NPAS3: variants seen among roughly 807,000 people sequenced by gnomAD.
The protein encoded by NPAS3 is neuronal PAS domain protein 3.
Under a neutral mutation model 73.1 loss-of-function variants are expected in NPAS3, and 14 were observed. The ratio of observed to expected loss-of-function variants is 0.19; its 90% CI spans 0.13 to 0.30. NPAS3 has a LOEUF of 0.30. Ranked by LOEUF, NPAS3 falls within the 10% of genes least tolerant of loss-of-function variation. The probability of loss-of-function intolerance (pLI) is 1.00; values close to 1 mark genes in which losing one functional copy is unlikely to be tolerated. For synonymous variants in NPAS3, 620 were observed against 541.5 expected (o/e 1.14, Z -2.01); for missense variants, 1,096 against 1,250.0 (o/e 0.88, Z 1.86).
intron 5 of NPAS3, among the ~76,000 whole-genome samples, chr14:33,575,369 A>G (rs73270952): frequency 0.099 from 15,090 of 152,226 alleles, 794 homozygotes; most frequent in Middle Eastern, 0.19. Context: ...TTTCTGTAAT[A>G]TTTTAGACTT....
At chr14:33,495,131 C>G (rs1352236751) in intron 4 of NPAS3, among the ~76,000 whole-genome samples, 2 of 152,120 alleles carry the variant, frequency 1.3e-5, no homozygotes, top group Non-Finnish European at 2.9e-5. Context: ...AAATTTCCCT[C>G]TAAATACTGC....
intron 2 of NPAS3, among the ~76,000 whole-genome samples, chr14:33,178,476 A>G (rs1300542601): frequency 6.6e-6 from 1 of 152,218 alleles, no homozygotes; most frequent in Non-Finnish European, 1.5e-5. Context: ...TTAATAATAT[A>G]AATTTCTCAG....
chr14:33,532,292 C>T (rs1248007304), intron 4 of NPAS3, among the ~76,000 whole-genome samples: 1 of 152,130 alleles, frequency 6.6e-6, no homozygotes, highest in African/African-American at 2.4e-5. Flanking sequence ...AGTCCAGTCT[C>T]AGTTTTTCCT....
intron 4 of NPAS3, among the ~76,000 whole-genome samples, chr14:33,457,116 G>A (rs554467442): frequency 1.4e-4 from 22 of 152,306 alleles, no homozygotes; most frequent in Admixed American, 3.3e-4. Context: ...GCGAGTCGCC[G>A]TCCAAATATT....
intron 3 of NPAS3, among the ~76,000 whole-genome samples, chr14:33,259,086 T>G (rs1031343963): frequency 6.6e-6 from 1 of 152,218 alleles, no homozygotes; most frequent in African/African-American, 2.4e-5. Context: ...GTGCTGGGAT[T>G]ACAGGCGTGA....
rs869237169 is a variant in NPAS3 at position 33,095,670 on chromosome 14, AT to A, written c.140+39692del. On this transcript the variant is annotated intron_variant, in intron 2 of 11. Coordinates refer to ENST00000356141, the Ensembl canonical transcript of NPAS3. ...GGGCATTCTCTGCTTTTATTTTTTT[AT>A]TTTTTTTTTTTTTTTGAGAGGGAGT... Among the ~76,000 whole-genome samples the A allele has an allele frequency of 1.5e-3, 109 of 71,278 alleles. 3 individuals carry two copies. The highest frequency in any genetic ancestry group is 0.014 in the Admixed American group (65 of 4,766). 46.8% of individuals were successfully genotyped at this position (71,278 alleles called of 152,430 possible).
intron 2 of NPAS3, among the ~76,000 whole-genome samples, chr14:33,073,107 A>G (rs2041542178): frequency 6.6e-6 from 1 of 151,964 alleles, no homozygotes; most frequent in Non-Finnish European, 1.5e-5. Context: ...GTCGTGTTTT[A>G]TTTGGGGAAA....
chr14:33,330,862 C>A (rs1246196590), intron 3 of NPAS3, among the ~76,000 whole-genome samples: 2 of 152,022 alleles, frequency 1.3e-5, no homozygotes, highest in East Asian at 3.9e-4. Context: ...TGAGCAGTGA[C>A]CTAGCCTTAA....
intron 2 of NPAS3, among the ~76,000 whole-genome samples, chr14:33,093,753 A>G (rs1013870532): frequency 6.6e-6 from 1 of 152,190 alleles, no homozygotes; most frequent in African/African-American, 2.4e-5. Flanking sequence ...GATTAAGAAA[A>G]TGTAGCACAT....
intron 2 of NPAS3, among the ~76,000 whole-genome samples, chr14:33,153,350 C>T (rs1049628879): frequency 1.3e-5 from 2 of 152,028 alleles, no homozygotes; most frequent in African/African-American, 4.8e-5. Flanking sequence ...AAATTCATTA[C>T]TGAGTGGTCT....
intron 1 of NPAS3, among the ~76,000 whole-genome samples, chr14:33,047,962 A>T (rs549405029): frequency 6.6e-6 from 1 of 152,318 alleles, no homozygotes; most frequent in East Asian, 1.9e-4. Flanking sequence ...AATCTGAATA[A>T]TTTAGGGATA....
intron 4 of NPAS3, among the ~76,000 whole-genome samples, chr14:33,423,171 G>C (rs2048422881): frequency 6.6e-6 from 1 of 152,026 alleles, no homozygotes; most frequent in South Asian, 2.1e-4. Flanking sequence ...TGGGTTGTCT[G>C]AACAAGTCTA....
chr14:33,308,510 T>A (rs1023422778), intron 3 of NPAS3, among the ~76,000 whole-genome samples: 2 of 83,528 alleles, frequency 2.4e-5, no homozygotes, highest in African/African-American at 6.1e-5. Context: ...ATTGCATAGT[T>A]TATATATATA....
intron 1 of NPAS3, among the ~76,000 whole-genome samples, chr14:32,983,045 A>G (rs1157127866): frequency 6.6e-6 from 1 of 152,218 alleles, no homozygotes; most frequent in Non-Finnish European, 1.5e-5. Flanking sequence ...TTTGTTAGGT[A>G]TAATTAGAGA....
chr14:33,118,633 T>C (rs1393552673), intron 2 of NPAS3, among the ~76,000 whole-genome samples: 1 of 152,140 alleles, frequency 6.6e-6, no homozygotes, highest in African/African-American at 2.4e-5. Context: ...ACAAACAAAT[T>C]CATTAATTAT....
Position 33,254,357 on chromosome 14 carries a change from A to G in NPAS3, c.385+38931A>G, listed in dbSNP as rs140792364. On this transcript the variant is annotated intron_variant, in intron 3 of 11. Coordinates refer to ENST00000356141, the Ensembl canonical transcript of NPAS3. ...CCTTCTCTTACCTCTTTTGCACTCT[A>G]TTGAGCAGGATGACTTGGGTTTCCA... Among the ~76,000 whole-genome samples the G allele has an allele frequency of 4.3e-3, 657 of 152,122 alleles. 2 individuals carry two copies. The highest frequency in any genetic ancestry group is 0.015 in the African/African-American group (626 of 41,504).
chr14:33,449,433 G>A (rs545387273), intron 4 of NPAS3, among the ~76,000 whole-genome samples: 1 of 152,274 alleles, frequency 6.6e-6, no homozygotes, highest in East Asian at 1.9e-4. Context: ...GAACTGAGTA[G>A]TTGCAACGGA....
At chr14:33,285,440 A>G (rs897956908) in intron 3 of NPAS3, among the ~76,000 whole-genome samples, 3 of 152,156 alleles carry the variant, frequency 2.0e-5, no homozygotes, top group African/African-American at 7.2e-5. Context: ...CTTCCAATTC[A>G]TCTTGGCTGT....
chr14:33,784,737 A>AT (rs1222862652), intron 9 of NPAS3, among the ~76,000 whole-genome samples: 2,360 of 78,146 alleles, frequency 0.03, 192 homozygotes, highest in Non-Finnish European at 0.04. Context: ...TTATTTATTT[A>AT]TTTATTTATT....
Sources: allele counts gnomAD v4.1 joint callset (sites outside exome capture counted in the v4.1 genomes callset), GRCh38; gene constraint gnomAD v4.1.1; transcripts MANE v1.5; gene names NCBI Gene and HGNC (gene_info 2026-07-23, HGNC 2026-07-21).